The following SH3RF2 variants were observed in gnomAD, a reference collection of about 807,000 sequenced individuals.
The protein encoded by SH3RF2 is E3 ubiquitin-protein ligase SH3RF2.
A neutral mutation model predicts 59.0 loss-of-function variants in SH3RF2; 43 were observed. The ratio of observed to expected loss-of-function variants is 0.73; its 90% confidence interval spans 0.57 to 0.94. SH3RF2 has a LOEUF of 0.94. Ranked by LOEUF, SH3RF2 falls within the 40% of genes least tolerant of loss-of-function variation. SH3RF2 has a pLI of 0.00. For synonymous variants in SH3RF2, 391 were observed against 391.5 expected (o/e 1.00, Z 0.01); for missense variants, 930 against 940.1 (o/e 0.99, Z 0.14).
chr5:146,034,991 G>A (rs1408218151), intron 5 of SH3RF2, among the ~76,000 whole-genome samples: 2 of 151,822 alleles, frequency 1.3e-5, no homozygotes, highest in Non-Finnish European at 2.9e-5. Context: ...CTGTAATCTC[G>A]GCTACTCAGG....
intron 7 of SH3RF2, among the ~76,000 whole-genome samples, chr5:146,055,482 A>G (rs538056037): frequency 8.5e-5 from 13 of 152,390 alleles, no homozygotes; most frequent in Non-Finnish European, 1.8e-4. Context: ...AAAGCAGCAT[A>G]GCAGACATTT....
At chr5:145,970,545 A>C (rs753506636) in intron 2 of SH3RF2, among the ~76,000 whole-genome samples, 1 of 152,128 alleles carries the variant, frequency 6.6e-6, no homozygotes, top group African/African-American at 2.4e-5. Flanking sequence ...GGCTGGTTCT[A>C]TATTTTTACA....
chr5:146,004,013 C>A (rs1760530749), intron 3 of SH3RF2, 45 bp from the exon 4 acceptor site: 1 of 1,541,992 alleles, frequency 6.5e-7, no homozygotes, highest in Non-Finnish European at 8.9e-7. Flanking sequence ...GCTTTTACTG[C>A]CTGAAAATGA....
At chr5:145,966,509 A>G (rs1368668325) in intron 2 of SH3RF2, among the ~76,000 whole-genome samples, 1 of 152,214 alleles carries the variant, frequency 6.6e-6, no homozygotes, top group Non-Finnish European at 1.5e-5. Flanking sequence ...GCCAATGGGA[A>G]TCATTTGAAT....
At chr5:146,029,724 C>T (rs1159865303) in intron 5 of SH3RF2, among the ~76,000 whole-genome samples, 1 of 152,008 alleles carries the variant, frequency 6.6e-6, no homozygotes, top group African/African-American at 2.4e-5. Context: ...AGATATGGGC[C>T]CCTATATCAC....
intron 4 of SH3RF2, 44 bp from the exon 5 acceptor site, chr5:146,013,703 A>G (rs1032366092): frequency 1.5e-5 from 24 of 1,607,160 alleles, no homozygotes; most frequent in Non-Finnish European, 2.0e-5. Flanking sequence ...TACTCACATT[A>G]GATCAGGAAG....
intron 5 of SH3RF2, among the ~76,000 whole-genome samples, chr5:146,016,282 G>A (rs990207359): frequency 6.6e-6 from 1 of 151,968 alleles, no homozygotes; most frequent in East Asian, 1.9e-4. Flanking sequence ...ACCAAAACAA[G>A]AAGAGTAATA....
At chr5:146,033,163 GATT>G (rs143824235) in intron 5 of SH3RF2, among the ~76,000 whole-genome samples, 2,289 of 152,300 alleles carry the variant, frequency 0.015, 56 homozygotes, top group African/African-American at 0.051. Flanking sequence ...TTGTTGTGAG[GATT>G]ATATGAGATA....
intron 2 of SH3RF2, among the ~76,000 whole-genome samples, chr5:145,959,950 G>T (rs1204570974): frequency 2.0e-5 from 3 of 152,120 alleles, no homozygotes; most frequent in Non-Finnish European, 2.9e-5. Context: ...TCAGGTACAT[G>T]TAATTAACAA....
intron 2 of SH3RF2, chr5:145,998,072 G>A (rs1760241263): frequency 7.1e-6 from 4 of 565,822 alleles, no homozygotes; most frequent in African/African-American, 1.9e-5. Flanking sequence ...TGCAAATAAT[G>A]ATGAAAAAAA....
chr5:145,976,462 G>C (rs1225817913), intron 2 of SH3RF2, among the ~76,000 whole-genome samples: 1 of 151,974 alleles, frequency 6.6e-6, no homozygotes, highest in Non-Finnish European at 1.5e-5. Flanking sequence ...AAAAAGGTGG[G>C]GGGCGGGTTT....
intron 5 of SH3RF2, among the ~76,000 whole-genome samples, chr5:146,032,525 GA>G (rs965914478): frequency 6.6e-6 from 1 of 151,932 alleles, no homozygotes; most frequent in East Asian, 1.9e-4. Flanking sequence ...CAAAACTCTT[GA>G]AAAAAAATGT....
At chr5:146,067,219 G>A (rs913045220), downstream of SH3RF2, among the ~76,000 whole-genome samples, 6 of 152,162 alleles carry the variant, frequency 3.9e-5, no homozygotes, top group African/African-American at 1.4e-4. Context: ...ATGGCTCAGT[G>A]ACCTCCAGTG....
chr5:146,080,679 TA>T (rs1195373610), exon 10 of SH3RF2: 1 of 152,242 alleles, frequency 6.6e-6, no homozygotes, highest in Non-Finnish European at 1.5e-5. Context: ...TAATTTGTAA[TA>T]ATCCGTATGG....
chr5:145,970,357 G>A (rs1273571355), intron 2 of SH3RF2, among the ~76,000 whole-genome samples: 1 of 151,834 alleles, frequency 6.6e-6, no homozygotes, highest in Non-Finnish European at 1.5e-5. Context: ...CCACTTATAA[G>A]TGAGAACATA....
In SH3RF2 at chr5:146,060,099, G is replaced by A; in HGVS notation, c.1789G>A (p.Ala597Thr). 6.2e-7 allele frequency: 1 copy of A among 1,614,026 alleles called. No individual in the cohort carries two copies. Among genetic ancestry groups the A allele is most frequent in the Non-Finnish European group, 8.5e-7 (1 of 1,179,974 alleles). Residue 597 changes from alanine (A) to threonine (T), a missense_variant, in exon 9 of 10, where the codon GCC becomes ACC. Transcript: ENST00000359120. ...CAGTGAGGCCTGGATCCACTCCGCG[G>A]CCAGCTCCCTCATTATGGAAGACAA... ...RGSEAWIHSA[A>T]SSLIMEDKEI...
In SH3RF2 at chr5:145,970,938, A is replaced by C. The variant is rs540853380; in HGVS notation, c.379-29120A>C. Among the ~76,000 whole-genome samples the C allele has an allele frequency of 2.6e-5, 4 of 152,326 alleles. No individual in the cohort carries two copies. In the South Asian group the frequency reaches 8.3e-4, roughly 32 times the overall value. ...ACATTATTCTCAAAGCAATTGAAAA[A>C]AATGGAGTAAAGCAACCTCTTTATG... On this transcript the variant is annotated intron_variant, in intron 2 of 9. Transcript: ENST00000359120.
chr5:145,969,366 G>C (rs1274635046), intron 2 of SH3RF2, among the ~76,000 whole-genome samples: 1 of 152,152 alleles, frequency 6.6e-6, no homozygotes, highest in Non-Finnish European at 1.5e-5. Flanking sequence ...AAAAAGAAGG[G>C]GAGTTGGTGG....
At chr5:145,975,844 C>T (rs1269990895) in intron 2 of SH3RF2, among the ~76,000 whole-genome samples, 2 of 152,232 alleles carry the variant, frequency 1.3e-5, no homozygotes. Flanking sequence ...CATCCCTTAT[C>T]TGTAAACTGG....
Sources: gnomAD v4.1 joint callset for allele counts (sites outside exome capture counted in the v4.1 genomes callset) on GRCh38, gnomAD v4.1.1 for gene constraint, MANE v1.5 for transcripts, NCBI Gene and HGNC (gene_info 2026-07-23, HGNC 2026-07-21) for gene names.